The following DMD variants were observed in gnomAD, a reference collection of about 807,000 sequenced individuals.
The protein encoded by DMD is mutant dystrophin.
In DMD, 63 loss-of-function variants were observed where a neutral mutation model predicts 330.1. The ratio of observed to expected loss-of-function variants is 0.19; its 90% CI spans 0.16 to 0.24. DMD has a LOEUF of 0.24. Ranked by LOEUF, DMD falls within the 10% of genes least tolerant of loss-of-function variation. DMD has a pLI of 1.00. For synonymous variants in DMD, 1,223 were observed against 959.8 expected (o/e 1.27, Z -5.07); for missense variants, 3,344 against 2,684.1 (o/e 1.25, Z -5.43).
chrX:31,704,457 A>G (rs2084031503), intron 52 of DMD, among the ~76,000 whole-genome samples: 1 of 112,019 alleles, frequency 8.9e-6, no homozygotes, highest in South Asian at 3.7e-4. Flanking sequence ...CAGAATTCCC[A>G]TAGTAAAAGG....
intron 1 of DMD, among the ~76,000 whole-genome samples, chrX:33,285,954 AGACATTATTGATATTTACAAGAT>A (rs2053425818): frequency 8.9e-6 from 1 of 112,332 alleles, no homozygotes; most frequent in East Asian, 2.8e-4. Context: ...CAAGAAAGAA[AGACATTATTGATATTTACAAGAT>A]GACTTAAAAA....
At chrX:32,346,195 T>G (rs1392153348) in intron 38 of DMD, 115 bp from the exon 39 acceptor site, 1 of 807,228 alleles carries the variant, frequency 1.2e-6, no homozygotes, top group Non-Finnish European at 1.8e-6. Context: ...TTTAAAACTT[T>G]CATGGAATGC....
rs778085626 is a variant in DMD at position 31,372,872 on chromosome X, G to A, written c.9085-24238C>T. Reference sequence around the variant, plus strand: ...AAAGGGTATTCAATTAGGAAAAGAGGAAGTCAAATTGTCCCTGTTTGCAGA... The same window carrying A: ...AAAGGGTATTCAATTAGGAAAAGAGAAAGTCAAATTGTCCCTGTTTGCAGA... On this transcript the variant is annotated intron_variant, in intron 60 of 78. Coordinates refer to ENST00000357033, the MANE Select transcript of DMD (RefSeq NM_004006.3). Among the ~76,000 whole-genome samples, 6 of 111,397 alleles carry A rather than the reference G, an allele frequency of 5.4e-5. No individual in the cohort carries two copies. The East Asian group carries it at 1.7e-3, about 31-fold the overall frequency.
chrX:32,816,175 T>C (rs1392231348), intron 6 of DMD, among the ~76,000 whole-genome samples: 1 of 111,708 alleles, frequency 9.0e-6, no homozygotes, highest in Non-Finnish European at 1.9e-5. Context: ...GAATACAACC[T>C]GGATTTACTG....
Position 32,565,825 on chromosome X carries a change from G to A in DMD, c.1869C>T (p.Leu623=), listed in dbSNP as rs1800267. ...TCAGTGTTGAAAGAAGATCTTGTTT[G>A]AGTGAATACAGTTTGCCCATGGATT... ...KKQSMGKLYS[L]KQDLLSTLKN... Residue 623 remains leucine (L), a synonymous_variant, in exon 16 of 79, where the codon CTC becomes CTT. Coordinates refer to ENST00000357033, the MANE Select transcript of DMD (RefSeq NM_004006.3). 6.1e-3 allele frequency: 7,436 copies of A among 1,209,407 alleles called. 282 individuals are homozygous for A. The African/African-American group carries it at 0.11, about 18-fold the overall frequency.
chrX:32,655,863 T>A (rs2060529156), intron 9 of DMD, among the ~76,000 whole-genome samples: 1 of 111,811 alleles, frequency 8.9e-6, no homozygotes, highest in South Asian at 3.7e-4. Context: ...TTAGCTCTTC[T>A]TGTTGAATTG....
intron 21 of DMD, among the ~76,000 whole-genome samples, chrX:32,477,044 T>C (rs1215276769): frequency 9.0e-6 from 1 of 111,395 alleles, no homozygotes; most frequent in African/African-American, 3.3e-5. Flanking sequence ...CCTGAAGATT[T>C]AACGTTTAGC....
intron 1 of DMD, among the ~76,000 whole-genome samples, chrX:33,281,323 C>T (rs1276344993): frequency 5.5e-5 from 6 of 109,367 alleles, no homozygotes; most frequent in African/African-American, 2.0e-4. Flanking sequence ...ACCCTCATGC[C>T]TCAGCCTCCT....
chrX:32,373,870 A>T (rs1187326963), intron 34 of DMD, among the ~76,000 whole-genome samples: 1 of 111,636 alleles, frequency 9.0e-6, no homozygotes, highest in Non-Finnish European at 1.9e-5. Flanking sequence ...TAATCCTCAT[A>T]TTGAGGATCC....
At chrX:31,506,274 GA>G (rs2070936410) in intron 56 of DMD, among the ~76,000 whole-genome samples, 1 of 110,877 alleles carries the variant, frequency 9.0e-6, no homozygotes, top group South Asian at 3.8e-4. Context: ...CTATAAAGAA[GA>G]AAAAAAATCT....
chrX:32,875,884 G>C (rs1474022213), intron 2 of DMD, among the ~76,000 whole-genome samples: 1 of 111,624 alleles, frequency 9.0e-6, no homozygotes, highest in Admixed American at 9.5e-5. Flanking sequence ...ACTTGGTTTT[G>C]GGTTCCTTTT....
At chrX:32,687,074 A>G (rs2062936709) in intron 9 of DMD, among the ~76,000 whole-genome samples, 1 of 112,267 alleles carries the variant, frequency 8.9e-6, no homozygotes, top group African/African-American at 3.2e-5. Context: ...ATGGATTTGA[A>G]ATTTCATTTG....
At position 31,679,295 on chromosome X, in the gene DMD, A is replaced by T. The variant is rs1290475862; in HGVS notation, c.7872+80T>A. On this transcript the variant is annotated intron_variant, in intron 53 of 78. Coordinates refer to ENST00000357033, the MANE Select transcript of DMD (RefSeq NM_004006.3). The stretch of plus-strand genomic sequence containing the variant: ...TTCTGTTAATAACTTTACATTAAAC[A>T]TCATTAAATTACAATCTATGGTATA... 3.5e-6 allele frequency: 3 copies of T among 864,907 alleles called. No individual in the cohort carries two copies. In the East Asian group the frequency reaches 1.0e-4, roughly 29 times the overall value. The allele number at this position is 864,907 out of a possible 1,213,427, so 71.3% of individuals were successfully genotyped here.
intron 2 of DMD, among the ~76,000 whole-genome samples, chrX:32,911,712 T>C (rs771779004): frequency 9.0e-5 from 10 of 111,089 alleles, no homozygotes; most frequent in Non-Finnish European, 1.9e-5. Flanking sequence ...CATTGTCAAG[T>C]GTTAGAATTT....
intron 32 of DMD, among the ~76,000 whole-genome samples, chrX:32,386,738 A>G (rs901081192): frequency 1.8e-5 from 2 of 110,293 alleles, no homozygotes; most frequent in African/African-American, 6.5e-5. Context: ...TGATATATAT[A>G]TATTTAGTTC....
chrX:32,491,654 T>C (rs1044952393), intron 19 of DMD, 136 bp from the exon 20 acceptor site: 9 of 605,078 alleles, frequency 1.5e-5, no homozygotes, highest in Non-Finnish European at 2.2e-5. Flanking sequence ...TTTTCTAAGA[T>C]ATAAATGTGT....
chrX:32,332,832 G>C (rs1487034420), intron 41 of DMD, among the ~76,000 whole-genome samples: 1 of 108,665 alleles, frequency 9.2e-6, no homozygotes, highest in Non-Finnish European at 1.9e-5. Context: ...AAGAAAGCAT[G>C]CGTAGATTTT....
chrX:32,776,282 ACC>A (rs58231835), intron 7 of DMD, among the ~76,000 whole-genome samples: 1 of 89,248 alleles, frequency 1.1e-5, no homozygotes, highest in African/African-American at 4.0e-5. Flanking sequence ...TCTTCTTCTG[ACC>A]CCCCCCCCAA....
chrX:31,201,956 G>T (rs1317169723), intron 67 of DMD, among the ~76,000 whole-genome samples: 1 of 111,670 alleles, frequency 9.0e-6, no homozygotes, highest in African/African-American at 3.3e-5. Flanking sequence ...ACTTTGGGAG[G>T]CCGAGGCAGG....
Sources: allele counts gnomAD v4.1 joint callset (sites outside exome capture counted in the v4.1 genomes callset), GRCh38; gene constraint gnomAD v4.1.1; transcripts MANE v1.5; gene names NCBI Gene and HGNC (gene_info 2026-07-23, HGNC 2026-07-21).